The following CDKL3 variants were observed in gnomAD, a reference collection of about 807,000 sequenced individuals.
The protein encoded by CDKL3 is cyclin-dependent kinase-like 3.
In CDKL3, 65 loss-of-function variants were observed where a neutral mutation model predicts 69.3. The ratio of observed to expected loss-of-function variants is 0.94; its 90% confidence interval spans 0.77 to 1.15. The LOEUF (loss-of-function observed/expected upper bound fraction) is 1.15, where lower values mean the gene tolerates loss of function less well. Ranked by LOEUF, CDKL3 falls within the 50% of genes most tolerant of loss-of-function variation. CDKL3 has a pLI of 0.00. For synonymous variants in CDKL3, 202 were observed against 221.6 expected (o/e 0.91, Z 0.79); for missense variants, 652 against 689.2 (o/e 0.95, Z 0.61).
chr5:134,289,162 A>AT (rs1491432078), intron 8 of CDKL3, among the ~76,000 whole-genome samples: 1 of 112,616 alleles, frequency 8.9e-6, no homozygotes, highest in Non-Finnish European at 1.7e-5. Context: ...ACCCTGTCTC[A>AT]TAAAAAAAAA....
At chr5:134,300,491 C>T (rs965360179) in intron 12 of CDKL3, among the ~76,000 whole-genome samples, 26 of 152,120 alleles carry the variant, frequency 1.7e-4, no homozygotes, top group African/African-American at 6.3e-4. Context: ...ATGTCATATT[C>T]TTTCATGCTC....
chr5:134,333,072 C>CT (rs1273860552), intron 4 of CDKL3, among the ~76,000 whole-genome samples: 1 of 152,128 alleles, frequency 6.6e-6, no homozygotes, highest in Non-Finnish European at 1.5e-5. Flanking sequence ...AATGGGAGTT[C>CT]ACTCATGATT....
At chr5:134,333,884 G>A (rs1033071428) in intron 4 of CDKL3, among the ~76,000 whole-genome samples, 2 of 152,152 alleles carry the variant, frequency 1.3e-5, no homozygotes, top group South Asian at 4.1e-4. Context: ...CAGAAGGAAT[G>A]GTACCAGCTC....
chr5:134,299,588 T>G, intron 12 of CDKL3: 1 of 1,357,014 alleles, frequency 7.4e-7, no homozygotes, highest in Non-Finnish European at 9.7e-7. Context: ...ACGATATACC[T>G]GTAAAATTAT....
chr5:134,366,457 G>T lies in CDKL3; in HGVS notation c.67C>A (p.His23Asn). 1 of 1,608,328 alleles carries T rather than the reference G, an allele frequency of 6.2e-7. No individual in the cohort carries two copies. The highest frequency in any genetic ancestry group is 8.5e-7 in the Non-Finnish European group (1 of 1,177,044). The change falls in exon 2 of 13, where the codon CAT becomes AAT. Residue 23 changes from histidine to asparagine, a missense_variant. His to Asn is a moderately conservative substitution (Grantham distance 68). Coordinates refer to ENST00000265334, the MANE Select transcript of CDKL3 (RefSeq NM_001113575.2). Reference sequence around the variant, plus strand: ...GCCACTATCTGCCCAGTATTCTTATGTTTACATTTCATGACTGTTCCGTAA... The same window carrying T: ...GCCACTATCTGCCCAGTATTCTTATTTTTACATTTCATGACTGTTCCGTAA... ...GSYGTVMKCK[H>N]KNTGQIVAIK...
intron 6 of CDKL3, among the ~76,000 whole-genome samples, chr5:134,315,868 A>G (rs536867112): frequency 3.9e-4 from 59 of 152,316 alleles, no homozygotes; most frequent in African/African-American, 1.4e-3. Context: ...GAGGATATAA[A>G]TAAGAAAAAT....
chr5:134,341,584 C>A (rs1230809431), intron 4 of CDKL3, among the ~76,000 whole-genome samples: 2 of 152,222 alleles, frequency 1.3e-5, no homozygotes, highest in African/African-American at 4.8e-5. Context: ...AGCCCCAAAT[C>A]ATTTTCTTTT....
intron 4 of CDKL3, among the ~76,000 whole-genome samples, chr5:134,342,937 G>C (rs1167957868): frequency 7.2e-5 from 11 of 152,198 alleles, no homozygotes; most frequent in African/African-American, 2.7e-4. Context: ...GCGTGCGGTG[G>C]CTCCTGCCCG....
chr5:134,331,828 T>C (rs1028976397), intron 4 of CDKL3, among the ~76,000 whole-genome samples: 1 of 152,196 alleles, frequency 6.6e-6, no homozygotes, highest in African/African-American at 2.4e-5. Flanking sequence ...AGTAATGGGA[T>C]TGCTGGGTCA....
intron 3 of CDKL3, among the ~76,000 whole-genome samples, chr5:134,359,182 C>A (rs1270881468): frequency 6.6e-6 from 1 of 151,986 alleles, no homozygotes; most frequent in Non-Finnish European, 1.5e-5. Flanking sequence ...CGGACAAACA[C>A]CGAGATGTTT....
At chr5:134,311,883 C>T (rs1328605658) in intron 7 of CDKL3, among the ~76,000 whole-genome samples, 1 of 152,162 alleles carries the variant, frequency 6.6e-6, no homozygotes, top group Non-Finnish European at 1.5e-5. Flanking sequence ...CAACCTCCAC[C>T]TCTGGGGTTT....
intron 4 of CDKL3, among the ~76,000 whole-genome samples, chr5:134,348,483 A>G (rs1175051494): frequency 2.0e-5 from 3 of 152,188 alleles, no homozygotes; most frequent in African/African-American, 7.2e-5. Flanking sequence ...AGTCTCCTAG[A>G]ATCCAACCTT....
chr5:134,356,239 C>T (rs1247113170), intron 3 of CDKL3, among the ~76,000 whole-genome samples: 2 of 152,124 alleles, frequency 1.3e-5, no homozygotes, highest in African/African-American at 4.8e-5. Context: ...GAGTAGGGTT[C>T]GCACTCCTAT....
chr5:134,356,172 C>T (rs532306175), intron 3 of CDKL3, among the ~76,000 whole-genome samples: 1 of 152,320 alleles, frequency 6.6e-6, no homozygotes, highest in African/African-American at 2.4e-5. Context: ...GACAGATTAT[C>T]AGGCATTAGG....
chr5:134,303,217 A>G (rs1419122221), intron 11 of CDKL3, among the ~76,000 whole-genome samples: 1 of 151,424 alleles, frequency 6.6e-6, no homozygotes, highest in African/African-American at 2.4e-5. Context: ...TCAGCCTCCC[A>G]AGTAGCCGGG....
intron 4 of CDKL3, among the ~76,000 whole-genome samples, chr5:134,323,723 T>C (rs1773401210): frequency 1.3e-5 from 2 of 152,170 alleles, no homozygotes; most frequent in Non-Finnish European, 2.9e-5. Context: ...AGATAGATGA[T>C]AGACCTAAAT....
In CDKL3 at chr5:134,306,675, G is replaced by A. The variant is rs770381834; in HGVS notation, c.1392C>T (p.Arg464=). ...CTTGTCCAATAGATTGTGAAGAAGT[G>A]CGTCTCTTTTTTGCTCTTTCAGTTA... ...VRLTERAKKR[R]TSSQSIGQVM... The change falls in exon 10 of 13, where the codon CGC becomes CGT. Residue 464 remains arginine, a synonymous_variant. Transcript: ENST00000265334. 6.4e-7 allele frequency: 1 copy of A among 1,572,490 alleles called. No individual in the cohort carries two copies. The highest frequency in any genetic ancestry group is 1.2e-5 in the South Asian group (1 of 84,248).
chr5:134,330,688 C>A (rs1450326712), intron 4 of CDKL3, among the ~76,000 whole-genome samples: 1 of 151,978 alleles, frequency 6.6e-6, no homozygotes, highest in Non-Finnish European at 1.5e-5. Context: ...GCACTCCAGT[C>A]TGGGTGACAG....
intron 8 of CDKL3, among the ~76,000 whole-genome samples, chr5:134,292,029 T>C (rs527279997): frequency 9.9e-5 from 15 of 152,276 alleles, no homozygotes; most frequent in Admixed American, 3.3e-4. Flanking sequence ...ACGATTATAA[T>C]TGAGGATTTC....
Sources: gnomAD v4.1 joint callset for allele counts (sites outside exome capture counted in the v4.1 genomes callset) on GRCh38, gnomAD v4.1.1 for gene constraint, MANE v1.5 for transcripts, NCBI Gene and HGNC (gene_info 2026-07-23, HGNC 2026-07-21) for gene names.